Variants in RAD54L2 observed in about 807,000 individuals in gnomAD.
RAD54L2 encodes RAD54 like 2.
A neutral mutation model predicts 138.4 loss-of-function variants in RAD54L2; 27 were observed. The observed-to-expected ratio is 0.20, with a 90% CI of 0.14 to 0.27. The LOEUF (loss-of-function observed/expected upper bound fraction) is 0.27, where lower values mean the gene tolerates loss of function less well. Among genes scored for constraint, RAD54L2 ranks in the 10% least tolerant of loss-of-function variants. The pLI, the probability that RAD54L2 is intolerant of heterozygous loss-of-function variation, is 1.00. For synonymous variants in RAD54L2, 644 were observed against 723.2 expected (o/e 0.89, Z 1.76); for missense variants, 1,396 against 1,890.2 (o/e 0.74, Z 4.85).
chr3:51,645,341 C>T lies in RAD54L2; in HGVS notation c.2656+112C>T. 1 of 1,155,816 alleles carries T rather than the reference C, an allele frequency of 8.7e-7. No homozygotes were observed. Among genetic ancestry groups the T allele is most frequent in the Non-Finnish European group, 1.2e-6 (1 of 810,648 alleles). The allele number at this position is 1,155,816 out of a possible 1,614,324, so 71.6% of individuals were successfully genotyped here. ...GGAACACAGGCAGGCTTCGAGAAAG[C>T]CAGCATTTCCTCCTATCTCATTCTG... On this transcript the variant is annotated intron_variant, in intron 17 of 22. Transcript: ENST00000684192. The surrounding 1 kb of genome is among the most constrained non-coding windows in gnomAD (Gnocchi z 6.1).
At position 51,654,520 on chromosome 3, in the gene RAD54L2, T is replaced by A. The variant is rs1487236721; in HGVS notation, c.3027-1451T>A. Among the ~76,000 whole-genome samples, 3 of 152,184 alleles carry A rather than the reference T, an allele frequency of 2.0e-5. No homozygotes were observed. The East Asian group carries it at 5.8e-4, about 29-fold the overall frequency. On this transcript the variant is annotated intron_variant, in intron 19 of 22. Coordinates refer to ENST00000684192, the MANE Select transcript of RAD54L2 (RefSeq NM_015106.4). ...CTTGGCAACATAGTGGGACTCAATCTCAAAAGAGAAAGTCACTCTCTTTCA... is the reference window on the plus strand; with the variant it reads ...CTTGGCAACATAGTGGGACTCAATCACAAAAGAGAAAGTCACTCTCTTTCA...
Position 51,637,315 on chromosome 3 carries a change from C to A in RAD54L2, c.1494C>A (p.Asn498Lys). The change falls in exon 11 of 23, where the codon AAC becomes AAA. Residue 498 changes from asparagine to lysine, a missense_variant. Physicochemically the swap from Asn to Lys is moderately conservative, Grantham distance 94 (BLOSUM62 0). Transcript: ENST00000684192. The surrounding 1 kb of genome is among the most constrained non-coding windows in gnomAD (Gnocchi z 5.9). The part of the protein sequence containing the change: ...VVLTGYPLQN[N>K]LIEYWCMVDF... Reference sequence around the variant, plus strand: ...TGACTGGGTACCCTCTGCAAAACAACCTCATTGAGTACTGGTGCATGGTGG... The same window carrying A: ...TGACTGGGTACCCTCTGCAAAACAAACTCATTGAGTACTGGTGCATGGTGG... 6.2e-7 allele frequency: 1 copy of A among 1,613,466 alleles called. No homozygotes were observed. Among genetic ancestry groups the A allele is most frequent in the Non-Finnish European group, 8.5e-7 (1 of 1,179,722 alleles).
intron 3 of RAD54L2, among the ~76,000 whole-genome samples, chr3:51,620,407 CTTTTTTTT>C (rs60585256): frequency 2.3e-3 from 191 of 82,558 alleles, no homozygotes; most frequent in South Asian, 9.0e-3. Flanking sequence ...TCCTACTGGT[CTTTTTTTT>C]TTTTTTTTTT....
intron 2 of RAD54L2, among the ~76,000 whole-genome samples, chr3:51,558,361 A>AT (rs1161514603): frequency 6.6e-6 from 1 of 151,918 alleles, no homozygotes; most frequent in African/African-American, 2.4e-5. Flanking sequence ...GAGGAAGACT[A>AT]TTTTTTTTCT....
chr3:51,591,691 T>C (rs1427179222), intron 3 of RAD54L2, among the ~76,000 whole-genome samples: 1 of 152,214 alleles, frequency 6.6e-6, no homozygotes, highest in Non-Finnish European at 1.5e-5. Flanking sequence ...ATAGAAATAA[T>C]GGAAGACAGT....
intron 2 of RAD54L2, among the ~76,000 whole-genome samples, chr3:51,554,076 C>T (rs1046976219): frequency 6.6e-6 from 1 of 152,090 alleles, no homozygotes; most frequent in Admixed American, 6.6e-5. Flanking sequence ...AGCAATTTCT[C>T]AAAATAAGAC....
Position 51,663,155 on chromosome 3 carries a change from C to G in RAD54L2, c.4139C>G (p.Pro1380Arg). The G allele has an allele frequency of 6.2e-7, 1 of 1,613,990 alleles. No individual in the cohort carries two copies. Among genetic ancestry groups the G allele is most frequent in the Non-Finnish European group, 8.5e-7 (1 of 1,179,892 alleles). Reference protein sequence around the residue: ...MLNPSVPGILPSYSLPFSQPL... With the variant: ...MLNPSVPGILRSYSLPFSQPL... ...AACCCTTCTGTGCCAGGGATACTAC[C>G]CAGCTATTCACTCCCATTCTCACAG... The change falls in exon 23 of 23, where the codon CCC becomes CGC. Residue 1380 changes from proline (P) to arginine (R), a missense_variant. Around this residue, in one of 7 missense-constraint regions of RAD54L2, gnomAD observed 634 missense variants for 711.2 expected, o/e 0.89. Transcript: ENST00000684192.
At chr3:51,581,725 T>C (rs1699611628) in intron 2 of RAD54L2, among the ~76,000 whole-genome samples, 1 of 151,986 alleles carries the variant, frequency 6.6e-6, no homozygotes, top group South Asian at 2.1e-4. Flanking sequence ...GCAGTGGTGA[T>C]TGGGGAATTG....
At chr3:51,564,787 A>T (rs1273948814) in intron 2 of RAD54L2, among the ~76,000 whole-genome samples, 17 of 152,300 alleles carry the variant, frequency 1.1e-4, no homozygotes, top group Admixed American at 9.8e-4. Flanking sequence ...TTAAATTTTT[A>T]AAATTAAAAA....
intron 3 of RAD54L2, among the ~76,000 whole-genome samples, chr3:51,624,945 G>A (rs1700645294): frequency 6.6e-6 from 1 of 152,110 alleles, no homozygotes; most frequent in South Asian, 2.1e-4. Flanking sequence ...CTTAGTGGTG[G>A]CTGAGTGCAT....
chr3:51,564,489 G>C (rs1699167949), intron 2 of RAD54L2, among the ~76,000 whole-genome samples: 1 of 152,222 alleles, frequency 6.6e-6, no homozygotes, highest in Non-Finnish European at 1.5e-5. Context: ...GGAGAGACTG[G>C]ATAGGAGGAG....
chr3:51,604,829 G>A (rs1203098345), intron 3 of RAD54L2, among the ~76,000 whole-genome samples: 1 of 152,190 alleles, frequency 6.6e-6, no homozygotes, highest in Non-Finnish European at 1.5e-5. Context: ...GACTGGGGCT[G>A]TAGGCAATAG....
chr3:51,660,263 A>T, intron 22 of RAD54L2, 145 bp downstream of exon 22: 1 of 597,350 alleles, frequency 1.7e-6, no homozygotes. Context: ...GTGAAAAGTA[A>T]GTATTTTTGT....
chr3:51,637,603 G>A lies in RAD54L2; in HGVS notation c.1682+100G>A. 1 of 1,215,676 alleles carries A rather than the reference G, an allele frequency of 8.2e-7. No individual in the cohort carries two copies. Among genetic ancestry groups the A allele is most frequent in the Non-Finnish European group, 1.1e-6 (1 of 889,010 alleles). 75.3% of individuals were successfully genotyped at this position (1,215,676 alleles called of 1,614,324 possible). Reference sequence around the variant, plus strand: ...ACAGGATAGGGTGTTGGAGTAGGAGGGCCCCTTCCCTGGGGCAGTAGTAAA... The same window carrying A: ...ACAGGATAGGGTGTTGGAGTAGGAGAGCCCCTTCCCTGGGGCAGTAGTAAA... On this transcript the variant is annotated intron_variant, in intron 11 of 22. Transcript: ENST00000684192. This position sits in a 1 kb window ranked among gnomAD's most constrained non-coding sequence, Gnocchi z 5.9.
At chr3:51,657,458 CCCCACTGAGA>C (rs1701631436) in intron 20 of RAD54L2, 112 bp from the exon 21 acceptor site, 1 of 599,822 alleles carries the variant, frequency 1.7e-6, no homozygotes, top group Non-Finnish European at 3.1e-6. Flanking sequence ...TGGACCTCTG[CCCCACTGAGA>C]GGCTGTAGGG....
In RAD54L2 at chr3:51,629,388, A is replaced by G. The variant is rs542394115; in HGVS notation, c.396A>G (p.Glu132=). 1 of 1,605,480 alleles carries G rather than the reference A, an allele frequency of 6.2e-7. No individual in the cohort carries two copies. Among genetic ancestry groups the G allele is most frequent in the East Asian group, 2.2e-5 (1 of 44,602 alleles). Residue 132 remains glutamate (E), a synonymous_variant, in exon 5 of 23, where the codon GAA becomes GAG. Transcript: ENST00000684192. ...LEPVTKAAQQ[E]ELERRKRLEQ... is the part of the protein sequence containing the mutation. ...CTGTTACCAAAGCAGCACAGCAAGA[A>G]GAGTTGGAAAGAAGGAAGCGCCTGG...
In RAD54L2 at chr3:51,639,678, A is replaced by G. The variant is rs1163865580; in HGVS notation, c.2112+8A>G. On this transcript the variant is annotated splice_region_variant and intron_variant, in intron 13 of 22. Coordinates refer to ENST00000684192, the MANE Select transcript of RAD54L2 (RefSeq NM_015106.4). Reference sequence around the variant, plus strand: ...ATTGTCACATATGAATGGGTGAGTCAAGCAGATCCTTCAGGAACCATAAAC... The same window carrying G: ...ATTGTCACATATGAATGGGTGAGTCGAGCAGATCCTTCAGGAACCATAAAC... 2 of 1,613,194 alleles carry G rather than the reference A, an allele frequency of 1.2e-6. No individual in the cohort carries two copies. The highest frequency in any genetic ancestry group is 3.3e-5 in the Admixed American group (2 of 59,886).
chr3:51,638,493 AC>A lies in RAD54L2; in HGVS notation c.1860+174del. On this transcript the variant is annotated intron_variant, in intron 12 of 22. Coordinates refer to ENST00000684192, the MANE Select transcript of RAD54L2 (RefSeq NM_015106.4). The surrounding 1 kb of genome is among the most constrained non-coding windows in gnomAD (Gnocchi z 4.3). ...CCAAGGAGAGAGGTGATGGTTTTGT[AC>A]CACATAACTCCTGGGGGTGCCATTC... The A allele has an allele frequency of 1.4e-6, 1 of 711,066 alleles. No individual in the cohort carries two copies. The highest frequency in any genetic ancestry group is 2.3e-6 in the Non-Finnish European group (1 of 438,236). The allele number at this position is 711,066 out of a possible 1,614,324, so 44.0% of individuals were successfully genotyped here.
chr3:51,659,469 C>T (rs1376906901), intron 21 of RAD54L2, among the ~76,000 whole-genome samples: 1 of 152,128 alleles, frequency 6.6e-6, no homozygotes, highest in African/African-American at 2.4e-5. Flanking sequence ...CACTGACATT[C>T]GAGGAGGTTG....
Sources: gnomAD v4.1 joint callset for allele counts (sites outside exome capture counted in the v4.1 genomes callset) on GRCh38, gnomAD v4.1.1 for gene constraint, gnomAD v4.1.1 regional missense constraint, Gnocchi (gnomAD v3.1) non-coding constraint, MANE v1.5 for transcripts, NCBI Gene and HGNC (gene_info 2026-07-23, HGNC 2026-07-21) for gene names.